The following NFKB1 variants were observed in gnomAD, a reference collection of about 807,000 sequenced individuals.
NFKB1 encodes nuclear factor kappa B subunit 1, also known as nuclear factor NF-kappa-B p105 subunit.
NFKB1 carries 9 observed loss-of-function variants against 105.1 expected under a neutral mutation model. That is an observed-to-expected ratio of 0.09 (90% CI 0.05 to 0.15). The LOEUF (loss-of-function observed/expected upper bound fraction) is 0.15, where lower values mean the gene tolerates loss of function less well. Among genes scored for constraint, NFKB1 ranks in the 10% least tolerant of loss-of-function variants. NFKB1 has a pLI of 1.00. For synonymous variants in NFKB1, 440 were observed against 442.2 expected, an observed-to-expected ratio of 1.00 and a Z score of 0.06; for missense variants, 830 against 1,203.7, an observed-to-expected ratio of 0.69 and a Z score of 4.59.
intron 5 of NFKB1, chr4:102,557,353 A>C (rs1460449161): frequency 2.0e-5 from 3 of 152,238 alleles, no homozygotes; most frequent in Non-Finnish European, 1.5e-5. Context: ...GAAAGCAAGT[A>C]AAAAAGTTAA....
intron 11 of NFKB1, among the ~76,000 whole-genome samples, chr4:102,586,325 T>C (rs1725710004): frequency 6.6e-6 from 1 of 151,936 alleles, no homozygotes; most frequent in African/African-American, 2.4e-5. Context: ...GTTGACTTGA[T>C]GAAAGGAACA....
At position 102,501,404 on chromosome 4, in the gene NFKB1, G is replaced by C. The variant is rs927245643; in HGVS notation, c.-392G>C. 1 of 151,362 alleles carries C rather than the reference G, an allele frequency of 6.6e-6. No individual in the cohort carries two copies. The highest frequency in any genetic ancestry group is 2.4e-5 in the African/African-American group (1 of 41,336). 9.4% of individuals were successfully genotyped at this position (151,362 alleles called of 1,614,324 possible). A position where few individuals can be genotyped will look rare whatever the true frequency, so the allele number is the denominator to read the frequency against. On this transcript the variant is annotated 5_prime_UTR_variant, in exon 1 of 24. Transcript: ENST00000226574. ...GGCAGGAAGAGGAGGTTTCGCCACC[G>C]GAGCGGCCCGGCGACGCGCTGACAG...
chr4:102,502,938 C>T (rs954677226), intron 1 of NFKB1, among the ~76,000 whole-genome samples: 1 of 152,052 alleles, frequency 6.6e-6, no homozygotes, highest in Non-Finnish European at 1.5e-5. Flanking sequence ...TCAAGATATT[C>T]AATAATTTTT....
intron 1 of NFKB1, among the ~76,000 whole-genome samples, chr4:102,504,588 C>T (rs564597331): frequency 6.6e-6 from 1 of 152,196 alleles, no homozygotes; most frequent in Non-Finnish European, 1.5e-5. Context: ...GTCTAATCAG[C>T]ATTAATTGAT....
Position 102,607,250 on chromosome 4 carries a change from C to T in NFKB1, c.2055C>T (p.Ser685=), listed in dbSNP as rs1727848068. Residue 685 remains serine (S), a synonymous_variant, in exon 18 of 24, where the codon TCC becomes TCT. Coordinates refer to ENST00000226574, the MANE Select transcript of NFKB1 (RefSeq NM_003998.4). The part of the protein sequence containing the change: ...GADVNAQEQK[S]GRTALHLAVE... Reference sequence around the variant, plus strand: ...ACGTCAATGCTCAGGAGCAGAAGTCCGGGCGCACAGCACTGCACCTGGCTG... The same window carrying T: ...ACGTCAATGCTCAGGAGCAGAAGTCTGGGCGCACAGCACTGCACCTGGCTG... 4.3e-6 allele frequency: 7 copies of T among 1,614,212 alleles called. No homozygotes were observed. The highest frequency in any genetic ancestry group is 1.3e-5 in the African/African-American group (1 of 75,054).
At chr4:102,529,780 T>G (rs1741161628) in intron 2 of NFKB1, 56 bp from the exon 3 acceptor site, 1 of 1,348,848 alleles carries the variant, frequency 7.4e-7, no homozygotes. Flanking sequence ...ACTTCAAATT[T>G]TTCATATAAT....
intron 5 of NFKB1, among the ~76,000 whole-genome samples, chr4:102,539,360 C>T (rs1358238180): frequency 6.6e-6 from 1 of 151,758 alleles, no homozygotes; most frequent in Admixed American, 6.6e-5. Flanking sequence ...TATCCTTATT[C>T]CCAAACAAAA....
intron 5 of NFKB1, among the ~76,000 whole-genome samples, chr4:102,556,932 A>G (rs1366554810): frequency 6.6e-6 from 1 of 152,186 alleles, no homozygotes; most frequent in Non-Finnish European, 1.5e-5. Context: ...AGCAGTGCTC[A>G]TCTGTAGACA....
At position 102,612,118 on chromosome 4, in the gene NFKB1, G is replaced by T; in HGVS notation, c.2419+8G>T. 6.2e-7 allele frequency: 1 copy of T among 1,612,118 alleles called. No homozygotes were observed. The highest frequency in any genetic ancestry group is 8.5e-7 in the Non-Finnish European group (1 of 1,178,332). ...ATGATTTACTAGCACAAGGTGGGTT[G>T]TGATAAAACCAGATTCTCTTAACCA... On this transcript the variant is annotated splice_region_variant and intron_variant, in intron 21 of 23. Coordinates refer to ENST00000226574, the MANE Select transcript of NFKB1 (RefSeq NM_003998.4).
intron 18 of NFKB1, 68 bp from the exon 19 acceptor site, chr4:102,607,581 C>T (rs1427721676): frequency 4.0e-6 from 6 of 1,488,782 alleles, no homozygotes; most frequent in African/African-American, 2.8e-5. Flanking sequence ...GCCATGCACA[C>T]TGGGAGGTGG....
chr4:102,533,543 T>C (rs1222768795), intron 3 of NFKB1, among the ~76,000 whole-genome samples: 3 of 152,180 alleles, frequency 2.0e-5, no homozygotes, highest in Non-Finnish European at 2.9e-5. Flanking sequence ...TTATGAAGGC[T>C]GTTGACATCA....
chr4:102,540,251 T>A (rs1165778250), intron 5 of NFKB1, among the ~76,000 whole-genome samples: 1 of 152,176 alleles, frequency 6.6e-6, no homozygotes, highest in Non-Finnish European at 1.5e-5. Flanking sequence ...AACAAACACA[T>A]GGCATTAACT....
chr4:102,570,499 T>G (rs569818137), intron 6 of NFKB1, among the ~76,000 whole-genome samples: 5 of 152,218 alleles, frequency 3.3e-5, no homozygotes, highest in Non-Finnish European at 7.3e-5. Flanking sequence ...TCTTTGCTAT[T>G]GTGGATACTG....
chr4:102,545,019 A>T (rs1383277802), intron 5 of NFKB1, among the ~76,000 whole-genome samples: 2 of 152,100 alleles, frequency 1.3e-5, no homozygotes, highest in East Asian at 3.9e-4. Flanking sequence ...CTCAGTCTGA[A>T]GGTATAGTGG....
chr4:102,551,445 C>A (rs1253563636), intron 5 of NFKB1, among the ~76,000 whole-genome samples: 1 of 151,942 alleles, frequency 6.6e-6, no homozygotes, highest in African/African-American at 2.4e-5. Flanking sequence ...CACCTCCTGG[C>A]TAGATAGTCT....
chr4:102,592,501 C>A (rs752335440), intron 11 of NFKB1, among the ~76,000 whole-genome samples: 2 of 152,208 alleles, frequency 1.3e-5, no homozygotes, highest in African/African-American at 4.8e-5. Context: ...AAGATTACAA[C>A]CTGCTGTAGG....
rs574724253 is a variant in NFKB1, at chr4:102,561,804, CT to C, written c.259-5182del. On this transcript the variant is annotated intron_variant, in intron 5 of 23. Transcript: ENST00000226574. ...AAACACAGTAAGTTAGAAAGTATAG[CT>C]GTATAGGCTCTGGGAGTTTAACAAG... Among the ~76,000 whole-genome samples the C allele has an allele frequency of 7.4e-4, 113 of 152,292 alleles. 1 individual carries two copies. Among genetic ancestry groups the C allele is most frequent in the Non-Finnish European group, 1.1e-3 (73 of 68,024 alleles).
rs750033551 is a variant in NFKB1, at chr4:102,549,482, A to G, written c.258+11526A>G. Among the ~76,000 whole-genome samples the G allele has an allele frequency of 3.6e-4, 54 of 150,090 alleles. 1 individual carries two copies. Among genetic ancestry groups the G allele is most frequent in the Non-Finnish European group, 3.3e-4 (22 of 67,600 alleles). ...TTCTGTTTATATATTGAATTTATAT[A>G]TATATAAAACTTAACACTATTAAGT... On this transcript the variant is annotated intron_variant, in intron 5 of 23. Coordinates refer to ENST00000226574, the MANE Select transcript of NFKB1 (RefSeq NM_003998.4).
chr4:102,551,363 T>TGC (rs755365634), intron 5 of NFKB1, among the ~76,000 whole-genome samples: 21 of 68,382 alleles, frequency 3.1e-4, no homozygotes, highest in African/African-American at 1.6e-3. Context: ...TGTGTGTGTG[T>TGC]GTGTGCGCGC....
Sources: gnomAD v4.1 joint callset for allele counts (sites outside exome capture counted in the v4.1 genomes callset) on GRCh38, gnomAD v4.1.1 for gene constraint, MANE v1.5 for transcripts, NCBI Gene and HGNC (gene_info 2026-07-23, HGNC 2026-07-21) for gene names.